The following DPY19L2 variants were observed in gnomAD, a reference collection of about 807,000 sequenced individuals.
DPY19L2 encodes probable C-mannosyltransferase DPY19L2.
Under a neutral mutation model 97.9 loss-of-function variants are expected in DPY19L2, and 34 were observed. The ratio of observed to expected loss-of-function variants is 0.35; its 90% CI spans 0.26 to 0.46. The LOEUF (loss-of-function observed/expected upper bound fraction) is 0.46. DPY19L2 is among the 20% of genes least tolerant of loss of function. The pLI, the probability that DPY19L2 is intolerant of heterozygous loss-of-function variation, is 1.00. For synonymous variants in DPY19L2, 230 were observed against 307.9 expected, an observed-to-expected ratio of 0.75 and a Z score of 2.65; for missense variants, 623 against 911.4, an observed-to-expected ratio of 0.68 and a Z score of 4.07.
At chr12:63,657,444 C>T (rs1429276377) in intron 4 of DPY19L2, among the ~76,000 whole-genome samples, 1 of 152,148 alleles carries the variant, frequency 6.6e-6, no homozygotes, top group Admixed American at 6.5e-5. Flanking sequence ...GACAGGTTTT[C>T]TGATATTCCA....
chr12:63,629,641 T>G (rs1272361749), intron 6 of DPY19L2, among the ~76,000 whole-genome samples: 2 of 152,184 alleles, frequency 1.3e-5, no homozygotes, highest in Non-Finnish European at 2.9e-5. Context: ...GAAAACACTC[T>G]GCAGGATATT....
intron 6 of DPY19L2, among the ~76,000 whole-genome samples, chr12:63,640,577 C>A (rs192517392): frequency 0.015 from 2,229 of 152,148 alleles, 25 homozygotes; most frequent in Non-Finnish European, 0.021. Context: ...AAGTTTTCCC[C>A]AAATTTCTAT....
At chr12:63,591,265 C>A in intron 16 of DPY19L2, 1 of 265,520 alleles carries the variant, frequency 3.8e-6, no homozygotes, top group East Asian at 7.7e-5. Context: ...GTATGGAGTT[C>A]ATAGAAATTC....
chr12:63,631,570 C>T (rs1453931807), intron 6 of DPY19L2, among the ~76,000 whole-genome samples: 2 of 152,016 alleles, frequency 1.3e-5, no homozygotes, highest in African/African-American at 2.4e-5. Flanking sequence ...AGGCAATAAT[C>T]AATAGCCTAC....
chr12:63,571,319 T>C (rs568897065), intron 19 of DPY19L2, among the ~76,000 whole-genome samples: 2 of 152,246 alleles, frequency 1.3e-5, no homozygotes, highest in African/African-American at 4.8e-5. Context: ...CTGTTGTAGA[T>C]GATGAAGAGA....
chr12:63,560,744 A>G lies in DPY19L2; in HGVS notation c.2127-82T>C. The G allele has an allele frequency of 6.0e-6, 9 of 1,502,210 alleles. 1 individual carries two copies. The highest frequency in any genetic ancestry group is 8.1e-6 in the Non-Finnish European group (9 of 1,116,778). The allele number at this position is 1,502,210 out of a possible 1,614,324, so 93.1% of individuals were successfully genotyped here. A position where few individuals can be genotyped will look rare whatever the true frequency, so the allele number is the denominator to read the frequency against. On this transcript the variant is annotated intron_variant, in intron 21 of 21. Coordinates refer to ENST00000324472, the MANE Select transcript of DPY19L2 (RefSeq NM_173812.5). ...ATAGATACATAACATCTAGATTTTC[A>G]GAGACAAATTTATTTCATAAGTTAA...
intron 5 of DPY19L2, among the ~76,000 whole-genome samples, chr12:63,645,117 T>C (rs1038615057): frequency 3.9e-5 from 6 of 152,010 alleles, no homozygotes; most frequent in African/African-American, 1.5e-4. Context: ...AATATGTACT[T>C]AACAATCATC....
chr12:63,590,104 C>T (rs776291669), intron 16 of DPY19L2, among the ~76,000 whole-genome samples: 4 of 146,870 alleles, frequency 2.7e-5, no homozygotes, highest in Admixed American at 1.3e-4. Context: ...TACACAGCAG[C>T]GAGACAAAAA....
chr12:63,581,662 TAA>T (rs1880945461), intron 18 of DPY19L2, among the ~76,000 whole-genome samples: 1 of 151,204 alleles, frequency 6.6e-6, no homozygotes, highest in African/African-American at 2.4e-5. Flanking sequence ...TTTTGTATTT[TAA>T]TAGAGATAGG....
chr12:63,655,037 G>C (rs192202465), intron 4 of DPY19L2, among the ~76,000 whole-genome samples: 95 of 152,164 alleles, frequency 6.2e-4, no homozygotes, highest in African/African-American at 2.1e-3. Context: ...AGAATGAAAA[G>C]GCAAGCTACA....
In DPY19L2 at chr12:63,668,316, G is replaced by A. The variant is rs1399996996; in HGVS notation, c.78C>T (p.Ser26=). Residue 26 remains serine (S), a synonymous_variant, in exon 1 of 22, where the codon TCC becomes TCT. Coordinates refer to ENST00000324472, the MANE Select transcript of DPY19L2 (RefSeq NM_173812.5). ...RSQSKGRRGA[S]LAREPEVEEE... ...CCTCTACCTCCGGCTCCCGGGCGAG[G>A]GAGGCCCCGCGCCGCCCCTTAGACT... The A allele has an allele frequency of 1.2e-6, 2 of 1,613,808 alleles. No homozygotes were observed. Among genetic ancestry groups the A allele is most frequent in the Non-Finnish European group, 8.5e-7 (1 of 1,179,948 alleles).
intron 12 of DPY19L2, among the ~76,000 whole-genome samples, chr12:63,606,148 T>C (rs530716966): frequency 6.6e-6 from 1 of 152,254 alleles, no homozygotes; most frequent in East Asian, 1.9e-4. Flanking sequence ...AGCCATGGTA[T>C]TGAATTCTTC....
intron 11 of DPY19L2, among the ~76,000 whole-genome samples, chr12:63,613,543 T>C (rs1481565909): frequency 6.6e-6 from 1 of 152,020 alleles, no homozygotes; most frequent in Non-Finnish European, 1.5e-5. Context: ...AAACAAAACT[T>C]ACATTTCAAA....
intron 16 of DPY19L2, among the ~76,000 whole-genome samples, chr12:63,593,850 T>A (rs1883627560): frequency 6.6e-6 from 1 of 152,152 alleles, no homozygotes; most frequent in African/African-American, 2.4e-5. Flanking sequence ...ATATTATAAT[T>A]TATCAATTTA....
chr12:63,641,357 T>C (rs553532046), intron 6 of DPY19L2, among the ~76,000 whole-genome samples: 2 of 152,260 alleles, frequency 1.3e-5, no homozygotes, highest in South Asian at 4.1e-4. Flanking sequence ...ATAGATCTAT[T>C]GTAAAAGGAA....
Position 63,668,388 on chromosome 12 carries a change from T to C in DPY19L2, c.6A>G (p.Arg2=). 6.2e-7 allele frequency: 1 copy of C among 1,609,962 alleles called. No homozygotes were observed. The highest frequency in any genetic ancestry group is 8.5e-7 in the Non-Finnish European group (1 of 1,178,380). Residue 2 remains arginine, a synonymous_variant, in exon 1 of 22, where the codon AGA becomes AGG. Transcript: ENST00000324472. ...GCCGCTTTGAGCTTACTCCTTGTTT[T>C]CTCATAATCAAGGAGTATGGTGGAG... M[R]KQGVSSKRLQ...
At chr12:63,629,901 G>C (rs1466278182) in intron 6 of DPY19L2, among the ~76,000 whole-genome samples, 2 of 152,078 alleles carry the variant, frequency 1.3e-5, no homozygotes, top group Non-Finnish European at 2.9e-5. Context: ...AAGAGAGTGG[G>C]GGCCAATATT....
intron 11 of DPY19L2, among the ~76,000 whole-genome samples, chr12:63,609,410 G>C (rs1886591514): frequency 6.6e-6 from 1 of 152,072 alleles, no homozygotes; most frequent in South Asian, 2.1e-4. Flanking sequence ...ATAGTGTTTG[G>C]AGGGTGGGCC....
intron 7 of DPY19L2, among the ~76,000 whole-genome samples, chr12:63,625,731 T>C (rs1197195638): frequency 1.3e-5 from 2 of 152,136 alleles, no homozygotes; most frequent in African/African-American, 4.8e-5. Context: ...GTCTTAACTG[T>C]GTCCCTGCTG....
Sources: gnomAD v4.1 joint callset for allele counts (sites outside exome capture counted in the v4.1 genomes callset) on GRCh38, gnomAD v4.1.1 for gene constraint, MANE v1.5 for transcripts, NCBI Gene and HGNC (gene_info 2026-07-23, HGNC 2026-07-21) for gene names.